MEGF6: variants seen among roughly 807,000 people sequenced by gnomAD.
MEGF6 encodes multiple epidermal growth factor-like domains protein 6.
MEGF6 carries 184 observed loss-of-function variants against 207.1 expected under a neutral mutation model. That is an observed-to-expected ratio of 0.89 (90% CI 0.79 to 1.00). The LOEUF (loss-of-function observed/expected upper bound fraction) is 1.00. Among genes scored for constraint, MEGF6 ranks in the 50% least tolerant of loss-of-function variants. MEGF6 has a pLI of 0.00. For missense variants in MEGF6, 2,282 were observed against 2,202.9 expected (o/e 1.04, Z -0.72); for synonymous variants, 1,038 against 910.0 (o/e 1.14, Z -2.53).
At position 3,487,962 on chromosome 1, in the gene MEGF6, CTGTTTTTAATGA is replaced by C. The variant is rs1298487073; in HGVS notation, c.*2554_*2565del. Among the ~76,000 whole-genome samples the C allele has an allele frequency of 2.4e-4, 37 of 152,148 alleles. No individual in the cohort carries two copies. Among genetic ancestry groups the C allele is most frequent in the Admixed American group, 2.1e-3 (32 of 15,270 alleles). On this transcript the variant is annotated 3_prime_UTR_variant, in exon 37 of 37. Coordinates refer to ENST00000356575, the MANE Select transcript of MEGF6 (RefSeq NM_001409.4). Reference sequence around the variant, plus strand: ...TAGTATATTTTTAATGCAGTCTAGTCTGTTTTTAATGATGTTTTTAATTGACAATAATTGTAG... The same window carrying C: ...TAGTATATTTTTAATGCAGTCTAGTCTGTTTTTAATTGACAATAATTGTAG...
In MEGF6 at chr1:3,565,129, A is replaced by T. The variant is rs1643309588; in HGVS notation, c.481+14696T>A. Among the ~76,000 whole-genome samples the T allele has an allele frequency of 6.6e-6, 1 of 151,930 alleles. No individual in the cohort carries two copies. The highest frequency in any genetic ancestry group is 2.4e-5 in the African/African-American group (1 of 41,342). ...CGCAGTGGGGTCCGGCGATGGACGC[A>T]TGAATGAAGCCCCCTAGGTACCCCC... is the stretch of plus-strand genomic sequence containing the variant. On this transcript the variant is annotated intron_variant, in intron 4 of 36. Transcript: ENST00000356575. The surrounding 1 kb of genome is among the most constrained non-coding windows in gnomAD (Gnocchi z 4.8).
chr1:3,492,026 A>G (rs1272679490), intron 35 of MEGF6, among the ~76,000 whole-genome samples: 1 of 152,062 alleles, frequency 6.6e-6, no homozygotes, highest in Non-Finnish European at 1.5e-5. Context: ...ATGCACACGT[A>G]ACACACAGGC....
At chr1:3,567,669 C>T (rs1570153217) in intron 4 of MEGF6, among the ~76,000 whole-genome samples, 1 of 152,322 alleles carries the variant, frequency 6.6e-6, no homozygotes, top group East Asian at 1.9e-4. Context: ...GCCCTCGGTC[C>T]CTAGGAGCAC....
At chr1:3,584,870 TCCCAGCCCGGAGGTGCCTGGGGA>T (rs1471749040) in intron 3 of MEGF6, among the ~76,000 whole-genome samples, 2 of 152,210 alleles carry the variant, frequency 1.3e-5, no homozygotes, top group Non-Finnish European at 2.9e-5. Flanking sequence ...TGGATGGGGC[TCCCAGCCCGGAGGTGCCTGGGGA>T]CTCTAAGGCG....
At chr1:3,582,930 G>A (rs1643833340) in intron 3 of MEGF6, among the ~76,000 whole-genome samples, 1 of 152,204 alleles carries the variant, frequency 6.6e-6, no homozygotes, top group Non-Finnish European at 1.5e-5. Flanking sequence ...CTCCCTGAGA[G>A]CAGCCCCCAA....
intron 3 of MEGF6, among the ~76,000 whole-genome samples, chr1:3,587,093 C>G (rs1200837747): frequency 6.6e-6 from 1 of 152,260 alleles, no homozygotes; most frequent in Non-Finnish European, 1.5e-5. Flanking sequence ...GAGTCAGACT[C>G]TATTTCATAT....
chr1:3,587,770 C>T (rs1643911792), intron 3 of MEGF6, among the ~76,000 whole-genome samples: 1 of 152,094 alleles, frequency 6.6e-6, no homozygotes, highest in South Asian at 2.1e-4. Flanking sequence ...AGACTCAAAG[C>T]CTGCGCAGGC....
intron 28 of MEGF6, 37 bp from the exon 29 acceptor site, chr1:3,496,820 G>A: frequency 6.5e-7 from 1 of 1,544,088 alleles, no homozygotes; most frequent in Non-Finnish European, 8.7e-7. Flanking sequence ...GGCTGGGGCT[G>A]GAGGCTTCCC....
In MEGF6 at chr1:3,573,399, G is replaced by A. The variant is rs912060378; in HGVS notation, c.481+6426C>T. Among the ~76,000 whole-genome samples the A allele has an allele frequency of 6.6e-6, 1 of 152,208 alleles. No individual in the cohort carries two copies. Among genetic ancestry groups the A allele is most frequent in the African/African-American group, 2.4e-5 (1 of 41,444 alleles). ...GGCCCAGATGGAAACCTTCTGCTTG[G>A]CTGCACCCAAAGGTAAGCACGGGAA... On this transcript the variant is annotated intron_variant, in intron 4 of 36. Transcript: ENST00000356575. The surrounding 1 kb of genome is among the most constrained non-coding windows in gnomAD (Gnocchi z 5.1).
chr1:3,509,838 G>C, intron 11 of MEGF6, 32 bp downstream of exon 11: 2 of 1,527,676 alleles, frequency 1.3e-6, no homozygotes, highest in African/African-American at 2.8e-5. Flanking sequence ...AGAAGGCAGA[G>C]GCCGGTGCTC....
At chr1:3,562,341 T>G (rs1334214923) in intron 4 of MEGF6, among the ~76,000 whole-genome samples, 1 of 152,226 alleles carries the variant, frequency 6.6e-6, no homozygotes, top group Non-Finnish European at 1.5e-5. Flanking sequence ...TCTGTTTCTC[T>G]GTCTCTTTGT....
intron 4 of MEGF6, among the ~76,000 whole-genome samples, chr1:3,548,559 G>A (rs888167550): frequency 6.6e-6 from 1 of 152,246 alleles, no homozygotes; most frequent in African/African-American, 2.4e-5. Flanking sequence ...GCCTGGCCCC[G>A]ACAGACTGCC....
intron 24 of MEGF6, 37 bp downstream of exon 24, chr1:3,499,101 C>A: frequency 6.3e-7 from 1 of 1,593,632 alleles, no homozygotes. Context: ...TCGCTCAGGC[C>A]TGGACCCCGG....
chr1:3,512,928 G>A (rs1202215550), intron 7 of MEGF6, among the ~76,000 whole-genome samples: 3 of 152,284 alleles, frequency 2.0e-5, no homozygotes, highest in South Asian at 4.1e-4. Flanking sequence ...AGGCTGCTTG[G>A]CCCAGGGAAG....
At chr1:3,531,370 C>A (rs1261462477) in intron 4 of MEGF6, 3 of 1,181,556 alleles carry the variant, frequency 2.5e-6, no homozygotes, top group South Asian at 8.2e-5. Context: ...GCAATCCCAG[C>A]CCCGGGATCC....
intron 4 of MEGF6, among the ~76,000 whole-genome samples, chr1:3,571,030 A>G: frequency 6.6e-6 from 1 of 151,882 alleles, no homozygotes. Context: ...TGACACCTCC[A>G]TGTTCCTCGG....
At chr1:3,579,166 G>A (rs1570179607) in intron 4 of MEGF6, among the ~76,000 whole-genome samples, 1 of 152,346 alleles carries the variant, frequency 6.6e-6, no homozygotes, top group South Asian at 2.1e-4. Context: ...GACAGAGCAG[G>A]AAGCCACAGA....
At chr1:3,621,437 T>C in the MEGF6 span, among the ~76,000 whole-genome samples, 85 of 152,348 alleles carry the variant, frequency 5.6e-4, 1 homozygote, top group Admixed American at 2.2e-3. Flanking sequence ...GGCCTGGTTT[T>C]TTCTAGGTTA....
chr1:3,578,253 C>T (rs1643697173), intron 4 of MEGF6, among the ~76,000 whole-genome samples: 1 of 152,262 alleles, frequency 6.6e-6, no homozygotes, highest in South Asian at 2.1e-4. Flanking sequence ...CCAGTCAGCC[C>T]TGGTATTTCC....
Sources: gnomAD v4.1 joint callset for allele counts (sites outside exome capture counted in the v4.1 genomes callset) on GRCh38, gnomAD v4.1.1 for gene constraint, Gnocchi (gnomAD v3.1) non-coding constraint, MANE v1.5 for transcripts, NCBI Gene and HGNC (gene_info 2026-07-23, HGNC 2026-07-21) for gene names.